SLC12A5: variants seen among roughly 807,000 people sequenced by gnomAD.
SLC12A5 encodes solute carrier family 12 member 5.
SLC12A5 carries 18 observed loss-of-function variants against 124.0 expected under a neutral mutation model. That is an observed-to-expected ratio of 0.15 (90% confidence interval 0.10 to 0.22). The LOEUF (loss-of-function observed/expected upper bound fraction) is 0.22, where lower values mean the gene tolerates loss of function less well. Among genes scored for constraint, SLC12A5 ranks in the 10% least tolerant of loss-of-function variants. The pLI is 1.00. For missense variants in SLC12A5, 867 were observed against 1,478.7 expected (o/e 0.59, Z 6.78); for synonymous variants, 589 against 568.0 (o/e 1.04, Z -0.53).
intron 21 of SLC12A5, 170 bp from the exon 22 acceptor site, chr20:46,055,980 G>A: frequency 1.1e-6 from 1 of 890,118 alleles, no homozygotes. Context: ...GGTGGGGCAG[G>A]CAGATCAGTG....
chr20:46,056,068 A>T lies in SLC12A5; in HGVS notation c.2788-82A>T. The T allele has an allele frequency of 5.1e-6, 8 of 1,571,468 alleles. No homozygotes were observed. The highest frequency in any genetic ancestry group is 6.9e-6 in the Non-Finnish European group (8 of 1,156,920). ...GTTCCAGAAAGTGCATCCTGGCTGAACATCATCTCTGGTGATAGCTCTTTG... is the reference window on the plus strand; with the variant it reads ...GTTCCAGAAAGTGCATCCTGGCTGATCATCATCTCTGGTGATAGCTCTTTG... On this transcript the variant is annotated intron_variant, in intron 21 of 25. Coordinates refer to ENST00000243964, the MANE Select transcript of SLC12A5 (RefSeq NM_020708.5). This position sits in a 1 kb window ranked among gnomAD's most constrained non-coding sequence, Gnocchi z 4.3.
At chr20:46,041,687 C>T (rs553054880) in intron 8 of SLC12A5, 147 bp downstream of exon 8, 1 of 813,244 alleles carries the variant, frequency 1.2e-6, no homozygotes, top group East Asian at 2.8e-5. Flanking sequence ...CTGTCCTTGG[C>T]ATCAGGGAGG....
At chr20:46,046,209 A>C in intron 13 of SLC12A5, 129 bp from the exon 14 acceptor site, 2 of 895,726 alleles carry the variant, frequency 2.2e-6, no homozygotes, top group Non-Finnish European at 3.6e-6. Context: ...CCCCTTCCTA[A>C]GCACCACAGC....
chr20:46,043,372 A>C, intron 9 of SLC12A5, 49 bp downstream of exon 9: 1 of 1,585,014 alleles, frequency 6.3e-7, no homozygotes, highest in Middle Eastern at 1.7e-4. Context: ...GTGGATGGGG[A>C]AGAGAGAGTC....
Position 46,045,642 on chromosome 20 carries a change from C to T in SLC12A5, c.1570-236C>T, listed in dbSNP as rs2084588119. Among the ~76,000 whole-genome samples the T allele has an allele frequency of 1.3e-5, 2 of 152,260 alleles. No homozygotes were observed. The highest frequency in any genetic ancestry group is 4.1e-4 in the South Asian group (2 of 4,822). ...CCATCTGGTCCTCTGCAGCTGCTTT[C>T]CCCCTCTAGGGATCATTTGAACTTC... On this transcript the variant is annotated intron_variant, in intron 12 of 25. Coordinates refer to ENST00000243964, the MANE Select transcript of SLC12A5 (RefSeq NM_020708.5). The surrounding 1 kb of genome is among the most constrained non-coding windows in gnomAD (Gnocchi z 4.9).
chr20:46,046,450 C>A lies in SLC12A5; in HGVS notation c.1787+14C>A. The A allele has an allele frequency of 6.2e-7, 1 of 1,609,420 alleles. No homozygotes were observed. Among genetic ancestry groups the A allele is most frequent in the Non-Finnish European group, 8.5e-7 (1 of 1,175,762 alleles). ...ATATTACCACTGGTGGGTGCTCTGT[C>A]CCCACACTTCCACTGAGCCACTTGC... On this transcript the variant is annotated intron_variant, in intron 14 of 25. Transcript: ENST00000243964.
chr20:46,035,577 A>AT, intron 3 of SLC12A5, 42 bp downstream of exon 3: 3 of 518,628 alleles, frequency 5.8e-6, no homozygotes, highest in Non-Finnish European at 7.1e-6. Context: ...AAAGGGACGG[A>AT]TGGGGGGTGG....
At chr20:46,049,416 G>A (rs1323752423) in intron 16 of SLC12A5, among the ~76,000 whole-genome samples, 2 of 152,192 alleles carry the variant, frequency 1.3e-5, no homozygotes, top group African/African-American at 4.8e-5. Flanking sequence ...AAATAGGTGG[G>A]TGGGTGGTTG....
intron 1 of SLC12A5, among the ~76,000 whole-genome samples, chr20:46,030,714 T>C (rs2084441903): frequency 6.6e-6 from 1 of 152,110 alleles, no homozygotes; most frequent in Non-Finnish European, 1.5e-5. Flanking sequence ...CAACCTTGAC[T>C]CTGAGGTCCT....
chr20:46,023,378 C>T (rs2084372137), exon 3 of SLC12A5: 1 of 398,632 alleles, frequency 2.5e-6, no homozygotes, highest in East Asian at 3.6e-5. Context: ...GCAAATCCAA[C>T]TGATCCCCAC....
At chr20:46,033,851 A>G (rs1002556216) in intron 1 of SLC12A5, among the ~76,000 whole-genome samples, 1 of 152,186 alleles carries the variant, frequency 6.6e-6, no homozygotes, top group African/African-American at 2.4e-5. Flanking sequence ...GCACATCATC[A>G]GCCCTTACCT....
rs748195551 is a variant in SLC12A5, at chr20:46,035,914, C to T, written c.417C>T (p.Cys139=). The T allele has an allele frequency of 6.2e-7, 1 of 1,611,062 alleles. No individual in the cohort carries two copies. Among genetic ancestry groups the T allele is most frequent in the Non-Finnish European group, 8.5e-7 (1 of 1,177,748 alleles). The change falls in exon 4 of 26, where the codon TGC becomes TGT. Residue 139 remains cysteine (C), a synonymous_variant. Transcript: ENST00000243964. ...IMESFCMVFI[C]CSCTMLTAIS... The stretch of plus-strand genomic sequence containing the variant: ...AGTCCTTCTGCATGGTGTTCATCTG[C>T]TGCTCCTGTGTGAGTGACACCCCTC...
At chr20:46,042,742 T>G (rs1417662124) in intron 8 of SLC12A5, among the ~76,000 whole-genome samples, 1 of 151,806 alleles carries the variant, frequency 6.6e-6, no homozygotes, top group Non-Finnish European at 1.5e-5. Context: ...GGTATTGAAG[T>G]TGGGGAAGGG....
chr20:46,038,772 G>A (rs907308482), intron 6 of SLC12A5, among the ~76,000 whole-genome samples: 11 of 152,108 alleles, frequency 7.2e-5, no homozygotes, highest in African/African-American at 2.4e-4. Context: ...TTCACCAAAC[G>A]CCTACTTCTT....
Position 46,054,924 on chromosome 20 carries a change from C to T in SLC12A5, c.2688C>T (p.Ser896=), listed in dbSNP as rs561222589. 1.1e-5 allele frequency: 18 copies of T among 1,613,408 alleles called. No homozygotes were observed. In the East Asian group the frequency reaches 1.3e-4, roughly 12 times the overall value. ...CCTCTGTCTGCCCACAGCATGAGAG[C>T]GACATCTCAGCTTACACCTATGAGA... is the stretch of plus-strand genomic sequence containing the variant. ...AEVEVVEMHE[S]DISAYTYEKT... is the part of the protein sequence containing the mutation. Residue 896 remains serine (S), a synonymous_variant, in exon 21 of 26, where the codon AGC becomes AGT. Transcript: ENST00000243964.
Position 46,053,524 on chromosome 20 carries a change from A to T in SLC12A5, c.2548-54A>T. 1 of 1,606,810 alleles carries T rather than the reference A, an allele frequency of 6.2e-7. No individual in the cohort carries two copies. The highest frequency in any genetic ancestry group is 8.5e-7 in the Non-Finnish European group (1 of 1,177,496). On this transcript the variant is annotated intron_variant, in intron 19 of 25. Coordinates refer to ENST00000243964, the MANE Select transcript of SLC12A5 (RefSeq NM_020708.5). The surrounding 1 kb of genome is among the most constrained non-coding windows in gnomAD (Gnocchi z 4.7). ...GTGAGCGGACAGGGCCTGGCCCTGG[A>T]TCTCCTCATCACATCTGGGCTGGAC...
chr20:46,023,437 T>C (rs888362593), exon 3 of SLC12A5: 5 of 398,482 alleles, frequency 1.3e-5, no homozygotes, highest in Admixed American at 4.4e-5. Context: ...GCAGCATCGG[T>C]CCCCCCTCTG....
At chr20:46,021,952 C>T (rs973969398) in intron 1 of SLC12A5, 1 of 1,430,734 alleles carries the variant, frequency 7.0e-7, no homozygotes, top group Non-Finnish European at 9.1e-7. Flanking sequence ...CCGGGGCGGA[C>T]CGTCTGTTGA....
chr20:46,047,767 A>T lies in SLC12A5; in HGVS notation c.1907+194A>T, dbSNP rs945206892. On this transcript the variant is annotated intron_variant, in intron 15 of 25. Transcript: ENST00000243964. ...ATGGGGGGTGGGAGCAGAGGCTTTG[A>T]GAAATGGACAGGAATGGTGAGAGAA... Among the ~76,000 whole-genome samples, 45 of 152,052 alleles carry T rather than the reference A, an allele frequency of 3.0e-4. 1 individual carries two copies. Among genetic ancestry groups the T allele is most frequent in the Non-Finnish European group, 7.4e-5 (5 of 68,024 alleles).
Sources: allele counts gnomAD v4.1 joint callset (sites outside exome capture counted in the v4.1 genomes callset), GRCh38; gene constraint gnomAD v4.1.1; non-coding constraint Gnocchi (gnomAD v3.1); transcripts MANE v1.5; gene names NCBI Gene and HGNC (gene_info 2026-07-23, HGNC 2026-07-21).